Variants in C2orf69 observed in about 807,000 individuals in gnomAD.
C2orf69 encodes the protein mitochondrial protein C2orf69.
C2orf69 carries 19 observed loss-of-function variants against 29.5 expected under a neutral mutation model. The observed-to-expected ratio is 0.65, with a 90% CI of 0.45 to 0.95. The LOEUF (loss-of-function observed/expected upper bound fraction) is 0.95. C2orf69 is among the 40% of genes least tolerant of loss of function. The pLI, the probability that C2orf69 is intolerant of heterozygous loss-of-function variation, is 0.00. For synonymous variants in C2orf69, 194 were observed against 180.0 expected (o/e 1.08, Z -0.62); for missense variants, 416 against 482.1 (o/e 0.86, Z 1.28).
chr2:199,924,388 C>CA (rs765203813), intron 1 of C2orf69, among the ~76,000 whole-genome samples: 1 of 152,252 alleles, frequency 6.6e-6, no homozygotes. Flanking sequence ...GCCTGGATGA[C>CA]AGAGATCCTG....
intron 1 of C2orf69, among the ~76,000 whole-genome samples, chr2:199,924,466 A>T (rs1292258596): frequency 6.6e-6 from 1 of 152,182 alleles, no homozygotes; most frequent in East Asian, 1.9e-4. Flanking sequence ...TCCAGACTTA[A>T]ATTACAAATA....
intron 1 of C2orf69, among the ~76,000 whole-genome samples, chr2:199,923,613 A>C (rs1480141997): frequency 2.0e-5 from 3 of 152,226 alleles, no homozygotes; most frequent in Non-Finnish European, 4.4e-5. Context: ...TAAGTACGAA[A>C]TACACACTGG....
chr2:199,922,031 T>TTTATATATATATATATATATATATA (rs1553566020), intron 1 of C2orf69, among the ~76,000 whole-genome samples: 4 of 78,968 alleles, frequency 5.1e-5, no homozygotes, highest in African/African-American at 1.6e-4. Flanking sequence ...ACTGTTATTT[T>TTTATATATATATATATATATATATA]TATATATATA....
rs2077335155 is a variant in C2orf69, at chr2:199,926,392, T to G, written c.*506T>G. ...GTGTTTTTGTAAACTCCTTGACTCA[T>G]TCTTTCATGTGTCACCAAGTACTTT... On this transcript the variant is annotated 3_prime_UTR_variant, in exon 2 of 2. Transcript: ENST00000319974. 6.4e-6 allele frequency: 1 copy of G among 156,398 alleles called. No homozygotes were observed. The highest frequency in any genetic ancestry group is 2.4e-5 in the African/African-American group (1 of 41,488). The allele number at this position is 156,398 out of a possible 1,614,324, so 9.7% of individuals were successfully genotyped here. A position where few individuals can be genotyped will look rare whatever the true frequency, so the allele number is the denominator to read the frequency against.
chr2:199,916,109 G>A (rs1314410279), intron 1 of C2orf69, among the ~76,000 whole-genome samples: 1 of 152,170 alleles, frequency 6.6e-6, no homozygotes, highest in Non-Finnish European at 1.5e-5. Context: ...CCACAGGGCT[G>A]GGAGGCCTCA....
At chr2:199,917,132 G>C (rs2077296017) in intron 1 of C2orf69, among the ~76,000 whole-genome samples, 1 of 152,194 alleles carries the variant, frequency 6.6e-6, no homozygotes, top group South Asian at 2.1e-4. Context: ...GCAACAGCCT[G>C]AGCTATCCGT....
Position 199,911,343 on chromosome 2 carries a change from A to G in C2orf69, c.-96A>G, listed in dbSNP as rs2106636263. On this transcript the variant is annotated 5_prime_UTR_variant, in exon 1 of 2. Coordinates refer to ENST00000319974, the MANE Select transcript of C2orf69 (RefSeq NM_153689.6). ...GCTCCCGGCCGGGCCGCGGCCGCCG[A>G]CCGTTGAGCCGCCGGCTGAGCCGCC... 7.5e-7 allele frequency: 1 copy of G among 1,333,852 alleles called. No individual in the cohort carries two copies. The highest frequency in any genetic ancestry group is 9.6e-7 in the Non-Finnish European group (1 of 1,041,724). 82.6% of individuals were successfully genotyped at this position (1,333,852 alleles called of 1,614,324 possible).
intron 1 of C2orf69, among the ~76,000 whole-genome samples, chr2:199,919,285 T>C (rs573112668): frequency 2.6e-5 from 4 of 152,350 alleles, no homozygotes; most frequent in South Asian, 4.1e-4. Flanking sequence ...TACAGAGTAG[T>C]ATTCTATGTA....
chr2:199,917,500 A>G (rs1438634240), intron 1 of C2orf69, among the ~76,000 whole-genome samples: 1 of 152,178 alleles, frequency 6.6e-6, no homozygotes, highest in South Asian at 2.1e-4. Context: ...CTCAAGGTCA[A>G]AGTTCCACAG....
chr2:199,915,968 T>G (rs1226456856), intron 1 of C2orf69, among the ~76,000 whole-genome samples: 1 of 152,248 alleles, frequency 6.6e-6, no homozygotes, highest in Non-Finnish European at 1.5e-5. Context: ...TTAAAAATTC[T>G]GTACTTTTCC....
At position 199,917,140 on chromosome 2, in the gene C2orf69, C is replaced by T. The variant is rs149196271; in HGVS notation, c.333+5369C>T. Among the ~76,000 whole-genome samples, 576 of 152,316 alleles carry T rather than the reference C, an allele frequency of 3.8e-3. 4 individuals are homozygous for T. The highest frequency in any genetic ancestry group is 0.013 in the African/African-American group (555 of 41,560). On this transcript the variant is annotated intron_variant, in intron 1 of 1. Transcript: ENST00000319974. ...CTCTGAAGCAACAGCCTGAGCTATC[C>T]GTTGGCCCATTTTAGCCACGGTGGG...
chr2:199,911,649 T>C lies in C2orf69; in HGVS notation c.211T>C (p.Leu71=). 1 of 1,549,274 alleles carries C rather than the reference T, an allele frequency of 6.5e-7. No individual in the cohort carries two copies. The highest frequency in any genetic ancestry group is 8.7e-7 in the Non-Finnish European group (1 of 1,146,630). The change falls in exon 1 of 2, where the codon TTG becomes CTG. Residue 71 remains leucine, a synonymous_variant. Transcript: ENST00000319974. ...PGADPQRSNE[L]LLLAAAGEGL... is the part of the protein sequence containing the mutation. The stretch of plus-strand genomic sequence containing the variant: ...AGCCGATCCGCAGCGCAGCAACGAA[T>C]TGCTCCTGTTGGCGGCGGCCGGGGA...
Position 199,925,905 on chromosome 2 carries a change from G to T in C2orf69, c.*19G>T. 6.6e-7 allele frequency: 1 copy of T among 1,518,264 alleles called. No homozygotes were observed. The highest frequency in any genetic ancestry group is 1.2e-5 in the South Asian group (1 of 86,644). The allele number at this position is 1,518,264 out of a possible 1,614,324, so 94.0% of individuals were successfully genotyped here. A position where few individuals can be genotyped will look rare whatever the true frequency, so the allele number is the denominator to read the frequency against. ...ATTTTGAGATTACAGGTATATTAAT[G>T]AACTTGTTCAGTGGAAGAACATAAG... On this transcript the variant is annotated 3_prime_UTR_variant, in exon 2 of 2. Transcript: ENST00000319974. The surrounding 1 kb of genome is among the most constrained non-coding windows in gnomAD (Gnocchi z 4.9).
At chr2:199,919,894 T>C (rs781045692) in intron 1 of C2orf69, among the ~76,000 whole-genome samples, 5 of 152,238 alleles carry the variant, frequency 3.3e-5, no homozygotes, top group Non-Finnish European at 7.3e-5. Flanking sequence ...TACCAACTCT[T>C]AGAGACACAT....
At chr2:199,924,162 C>T (rs1009767689) in intron 1 of C2orf69, among the ~76,000 whole-genome samples, 12 of 152,104 alleles carry the variant, frequency 7.9e-5, no homozygotes, top group African/African-American at 2.9e-4. Context: ...AATACCAATA[C>T]TTTGGAAGAA....
In C2orf69 at chr2:199,925,622, G is replaced by T; in HGVS notation, c.894G>T (p.Trp298Cys). Residue 298 changes from tryptophan to cysteine, a missense_variant, in exon 2 of 2, where the codon TGG becomes TGT. Physicochemically the swap from Trp to Cys is radical, Grantham distance 215 (BLOSUM62 -2). Coordinates refer to ENST00000319974, the MANE Select transcript of C2orf69 (RefSeq NM_153689.6). This position sits in a 1 kb window ranked among gnomAD's most constrained non-coding sequence, Gnocchi z 4.9. ...TCAAAAGCATAAGAACAATGTATTGGCTGGATGGTGGTCATTCTGGAGGAA... is the reference window on the plus strand; with the variant it reads ...TCAAAAGCATAAGAACAATGTATTGTCTGGATGGTGGTCATTCTGGAGGAA... ...AFIKSIRTMYWLDGGHSGGSN... is the reference protein window; with the variant it reads ...AFIKSIRTMYCLDGGHSGGSN... The T allele has an allele frequency of 6.2e-7, 1 of 1,613,914 alleles. No individual in the cohort carries two copies. The highest frequency in any genetic ancestry group is 8.5e-7 in the Non-Finnish European group (1 of 1,179,832).
chr2:199,921,411 C>G (rs2106636466), intron 1 of C2orf69, among the ~76,000 whole-genome samples: 1 of 152,024 alleles, frequency 6.6e-6, no homozygotes, highest in Admixed American at 6.5e-5. Flanking sequence ...AGGACATGAA[C>G]AGAAAATTAA....
chr2:199,926,812 A>C lies in C2orf69; in HGVS notation c.*926A>C, dbSNP rs1170660216. 2.6e-5 allele frequency: 4 copies of C among 152,654 alleles called. No individual in the cohort carries two copies. Among genetic ancestry groups the C allele is most frequent in the African/African-American group, 4.8e-5 (2 of 41,458 alleles). The allele number at this position is 152,654 out of a possible 1,614,324, so 9.5% of individuals were successfully genotyped here. A position where few individuals can be genotyped will look rare whatever the true frequency, so the allele number is the denominator to read the frequency against. ...GAGCATATTTATGTATATTGGATAA[A>C]AATGTACTACAGAGCAAATTTCAAA... is the stretch of plus-strand genomic sequence containing the variant. On this transcript the variant is annotated 3_prime_UTR_variant, in exon 2 of 2. Transcript: ENST00000319974.
intron 1 of C2orf69, among the ~76,000 whole-genome samples, chr2:199,915,124 T>C (rs149357457): frequency 1.1e-4 from 17 of 152,378 alleles, no homozygotes; most frequent in Middle Eastern, 3.4e-3. Context: ...TTGGCTATTA[T>C]ATAAAATGCT....
Sources: allele counts gnomAD v4.1 joint callset (sites outside exome capture counted in the v4.1 genomes callset), GRCh38; gene constraint gnomAD v4.1.1; non-coding constraint Gnocchi (gnomAD v3.1); transcripts MANE v1.5; gene names NCBI Gene and HGNC (gene_info 2026-07-23, HGNC 2026-07-21).